RAD51B: variants seen among roughly 807,000 people sequenced by gnomAD.
RAD51B encodes the protein DNA repair protein RAD51 homolog 2.
A neutral mutation model predicts 42.2 loss-of-function variants in RAD51B; 38 were observed. The observed-to-expected ratio is 0.90, with a 90% CI of 0.70 to 1.18. The LOEUF (loss-of-function observed/expected upper bound fraction) is 1.18, where lower values mean the gene tolerates loss of function less well. RAD51B is among the 50% of genes most tolerant of loss of function. The pLI is 0.00. For missense variants in RAD51B, 373 were observed against 400.7 expected, an observed-to-expected ratio of 0.93 and a Z score of 0.59; for synonymous variants, 154 against 145.2, an observed-to-expected ratio of 1.06 and a Z score of -0.43.
chr14:68,337,965 TTTTG>T (rs2082491492), intron 8 of RAD51B, among the ~76,000 whole-genome samples: 6 of 151,130 alleles, frequency 4.0e-5, no homozygotes, highest in Non-Finnish European at 7.4e-5. Flanking sequence ...TTTTGTTTTG[TTTTG>T]TTTTAAGAGA....
chr14:68,193,355 T>C (rs1302966467), intron 7 of RAD51B, among the ~76,000 whole-genome samples: 2 of 152,178 alleles, frequency 1.3e-5, no homozygotes, highest in African/African-American at 2.4e-5. Context: ...TCACTGTACC[T>C]TGTATTTTAA....
chr14:68,421,307 G>C (rs2084693113), intron 9 of RAD51B, among the ~76,000 whole-genome samples: 1 of 152,052 alleles, frequency 6.6e-6, no homozygotes. Flanking sequence ...GAGTATCCCT[G>C]CTGTGAGATG....
chr14:68,542,358 T>G lies in RAD51B; in HGVS notation c.1037-52127T>G, dbSNP rs76533752. Among the ~76,000 whole-genome samples, 3 of 152,364 alleles carry G rather than the reference T, an allele frequency of 2.0e-5. No homozygotes were observed. The East Asian group carries it at 5.8e-4, about 29-fold the overall frequency. ...GCAGTGTCAATGCTATTATTCTTAT[T>G]ATTTGCTTGTGCTTATACTACTAAT... On this transcript the variant is annotated intron_variant, in intron 10 of 10. Transcript: ENST00000487270.
chr14:68,610,176 C>T (rs1358742320), intron 10 of RAD51B, among the ~76,000 whole-genome samples: 2 of 152,176 alleles, frequency 1.3e-5, no homozygotes, highest in African/African-American at 4.8e-5. Flanking sequence ...CTGTTTGTCT[C>T]TTTCTGTATT....
chr14:68,427,173 CAG>C (rs1190664445), intron 9 of RAD51B, among the ~76,000 whole-genome samples: 1 of 152,234 alleles, frequency 6.6e-6, no homozygotes, highest in Non-Finnish European at 1.5e-5. Context: ...AAATTTATCA[CAG>C]GGGCAGAGCC....
intron 10 of RAD51B, among the ~76,000 whole-genome samples, chr14:68,586,012 G>T (rs772402965): frequency 1.3e-5 from 2 of 152,154 alleles, no homozygotes; most frequent in Non-Finnish European, 2.9e-5. Flanking sequence ...TCCACGGCAC[G>T]TTACGCTTTG....
intron 9 of RAD51B, among the ~76,000 whole-genome samples, chr14:68,430,928 A>G (rs2084987002): frequency 6.6e-6 from 1 of 152,148 alleles, no homozygotes; most frequent in Non-Finnish European, 1.5e-5. Context: ...ATGTCCCATC[A>G]ATACCTAATT....
At chr14:68,681,248 G>A (rs921082201) in intron 11 of RAD51B, among the ~76,000 whole-genome samples, 4 of 152,182 alleles carry the variant, frequency 2.6e-5, no homozygotes, top group Non-Finnish European at 5.9e-5. Flanking sequence ...AAAAAAGATA[G>A]TTGCTAGGGT....
At chr14:68,582,071 G>A (rs1890232542) in intron 10 of RAD51B, among the ~76,000 whole-genome samples, 2 of 152,114 alleles carry the variant, frequency 1.3e-5, no homozygotes, top group African/African-American at 4.8e-5. Context: ...GAAAACCTAG[G>A]CAATACCATT....
intron 8 of RAD51B, among the ~76,000 whole-genome samples, chr14:68,330,871 G>A (rs2082333451): frequency 1.3e-5 from 2 of 152,056 alleles, no homozygotes; most frequent in Admixed American, 1.3e-4. Context: ...TGTTTGGAGG[G>A]GTAGAATTAA....
chr14:67,972,293 C>T (rs1436224094), intron 7 of RAD51B, among the ~76,000 whole-genome samples: 51 of 151,972 alleles, frequency 3.4e-4, no homozygotes, highest in Admixed American at 3.4e-3. Context: ...TTCTAAAAAG[C>T]CATTTTCCCT....
intron 7 of RAD51B, among the ~76,000 whole-genome samples, chr14:68,193,728 C>T (rs2079311387): frequency 6.6e-6 from 1 of 152,158 alleles, no homozygotes; most frequent in Admixed American, 6.5e-5. Context: ...TCTCATTCAC[C>T]AGTCTGTTTT....
intron 7 of RAD51B, among the ~76,000 whole-genome samples, chr14:67,911,833 A>G (rs747209866): frequency 2.6e-5 from 4 of 151,976 alleles, no homozygotes; most frequent in Non-Finnish European, 5.9e-5. Context: ...CTCCATTCCT[A>G]TTTCAACTAG....
intron 7 of RAD51B, among the ~76,000 whole-genome samples, chr14:67,989,622 C>T (rs1371022051): frequency 1.9e-4 from 21 of 107,832 alleles, no homozygotes; most frequent in African/African-American, 6.9e-4. Context: ...GCAACAAGAG[C>T]GAAACTCTGT....
chr14:68,253,531 G>A (rs1272327322), intron 7 of RAD51B, among the ~76,000 whole-genome samples: 2 of 152,018 alleles, frequency 1.3e-5, no homozygotes, highest in East Asian at 3.8e-4. Flanking sequence ...AATTTTGTTT[G>A]TGGAATCATT....
chr14:68,191,059 C>T lies in RAD51B; in HGVS notation c.757-100825C>T, dbSNP rs147365044. Reference sequence around the variant, plus strand: ...TTTTTTTTAAAAAAAGAGACAATATCCTTTCTTAAAAGAATGTTATAAATA... The same window carrying T: ...TTTTTTTTAAAAAAAGAGACAATATTCTTTCTTAAAAGAATGTTATAAATA... On this transcript the variant is annotated intron_variant, in intron 7 of 10. Coordinates refer to ENST00000471583, the MANE Select transcript of RAD51B (RefSeq NM_133510.4). Among the ~76,000 whole-genome samples, 35 of 152,102 alleles carry T rather than the reference C, an allele frequency of 2.3e-4. No homozygotes were observed. The East Asian group carries it at 6.6e-3, about 28-fold the overall frequency.
chr14:68,350,541 C>T (rs1020190683), intron 8 of RAD51B, among the ~76,000 whole-genome samples: 10 of 152,168 alleles, frequency 6.6e-5, no homozygotes, highest in African/African-American at 1.2e-4. Flanking sequence ...CTCCCTTCCC[C>T]GAGTCTTAGC....
At chr14:68,568,708 G>A (rs8007194) in intron 10 of RAD51B, among the ~76,000 whole-genome samples, 70,386 of 151,984 alleles carry the variant, frequency 0.46, 16,900 homozygotes, top group Middle Eastern at 0.56. Flanking sequence ...CCTCAGGAAC[G>A]GGCAGCCATT....
intron 10 of RAD51B, among the ~76,000 whole-genome samples, chr14:68,590,233 C>T (rs575147007): frequency 6.6e-6 from 1 of 152,330 alleles, no homozygotes; most frequent in South Asian, 2.1e-4. Flanking sequence ...CTTGGGCTGA[C>T]TGATGGAGTG....
Sources: allele counts gnomAD v4.1 joint callset (sites outside exome capture counted in the v4.1 genomes callset), GRCh38; gene constraint gnomAD v4.1.1; transcripts MANE v1.5; gene names NCBI Gene and HGNC (gene_info 2026-07-23, HGNC 2026-07-21).